Variants in ZUP1 observed in about 807,000 individuals in gnomAD.
The protein encoded by ZUP1 is zinc finger-containing ubiquitin peptidase 1.
Under a neutral mutation model 68.1 loss-of-function variants are expected in ZUP1, and 55 were observed. The observed-to-expected ratio is 0.81, with a 90% confidence interval of 0.65 to 1.01. The LOEUF (loss-of-function observed/expected upper bound fraction) is 1.01, where lower values mean the gene tolerates loss of function less well. Ranked by LOEUF, ZUP1 falls within the 50% of genes least tolerant of loss-of-function variation. ZUP1 has a pLI of 0.00. For missense variants in ZUP1, 684 were observed against 674.9 expected, an observed-to-expected ratio of 1.01 and a Z score of -0.15; for synonymous variants, 223 against 221.5, an observed-to-expected ratio of 1.01 and a Z score of -0.06.
chr6:116,646,923 A>G (rs1215473391), intron 8 of ZUP1, among the ~76,000 whole-genome samples: 1 of 152,148 alleles, frequency 6.6e-6, no homozygotes, highest in South Asian at 2.1e-4. Flanking sequence ...GGCCTCACTC[A>G]AGTGACATGT....
chr6:116,651,526 C>T lies in ZUP1; in HGVS notation c.1316+46G>A. On this transcript the variant is annotated intron_variant, in intron 7 of 9. Transcript: ENST00000368576. ...AAAAATAAAATTTTACAAAACAAAG[C>T]TCCCCGATAAGGAAATAACATTTAT... The T allele has an allele frequency of 3.4e-6, 5 of 1,475,400 alleles. 1 individual carries two copies. Among genetic ancestry groups the T allele is most frequent in the Non-Finnish European group, 4.5e-6 (5 of 1,102,532 alleles). The allele number at this position is 1,475,400 out of a possible 1,614,324, so 91.4% of individuals were successfully genotyped here. A position where few individuals can be genotyped will look rare whatever the true frequency, so the allele number is the denominator to read the frequency against.
intron 7 of ZUP1, 81 bp downstream of exon 7, chr6:116,651,491 C>T (rs1038726982): frequency 3.1e-5 from 39 of 1,240,372 alleles, no homozygotes; most frequent in Non-Finnish European, 4.0e-5. Context: ...TTTAAACTAT[C>T]TCTTTGCTAA....
intron 9 of ZUP1, among the ~76,000 whole-genome samples, chr6:116,638,525 A>T (rs1445676652): frequency 1.3e-5 from 2 of 152,244 alleles, no homozygotes; most frequent in African/African-American, 4.8e-5. Flanking sequence ...GCCCAAGTGC[A>T]TAAAATAGAG....
intron 4 of ZUP1, among the ~76,000 whole-genome samples, chr6:116,657,364 G>A (rs569466116): frequency 7.4e-4 from 112 of 152,138 alleles, no homozygotes; most frequent in Non-Finnish European, 1.3e-3. Context: ...AAGTTTTCAC[G>A]GAAACTTTTC....
chr6:116,653,695 G>A (rs1307465243), intron 5 of ZUP1, among the ~76,000 whole-genome samples: 1 of 151,996 alleles, frequency 6.6e-6, no homozygotes, highest in Non-Finnish European at 1.5e-5. Flanking sequence ...AAAGCTAAAT[G>A]TAGATTTTAA....
chr6:116,636,625 C>T (rs1212226816), intron 9 of ZUP1, among the ~76,000 whole-genome samples: 1 of 151,996 alleles, frequency 6.6e-6, no homozygotes, highest in African/African-American at 2.4e-5. Flanking sequence ...AATTATAAGA[C>T]TCTAGTGGCC....
chr6:116,643,896 C>T (rs1776202615), intron 9 of ZUP1, among the ~76,000 whole-genome samples: 1 of 152,170 alleles, frequency 6.6e-6, no homozygotes. Flanking sequence ...TCAGAGTGAA[C>T]AGGCAACCTA....
Position 116,667,219 on chromosome 6 carries a change from C to A in ZUP1, c.-15-12G>T. The A allele has an allele frequency of 6.8e-7, 1 of 1,470,388 alleles. No individual in the cohort carries two copies. Among genetic ancestry groups the A allele is most frequent in the Non-Finnish European group, 9.1e-7 (1 of 1,101,804 alleles). 91.1% of individuals were successfully genotyped at this position (1,470,388 alleles called of 1,614,324 possible). A position where few individuals can be genotyped will look rare whatever the true frequency, so the allele number is the denominator to read the frequency against. ...GTATTGACAAGTAGCTAGAAAAGAACATAACATTAGGTTTCAAAGATTTGA... is the reference window on the plus strand; with the variant it reads ...GTATTGACAAGTAGCTAGAAAAGAAAATAACATTAGGTTTCAAAGATTTGA... On this transcript the variant is annotated splice_polypyrimidine_tract_variant and intron_variant, in intron 1 of 9. Transcript: ENST00000368576.
intron 9 of ZUP1, 131 bp downstream of exon 9, chr6:116,645,583 C>CAAA (rs59393240): frequency 4.7e-4 from 202 of 430,912 alleles, no homozygotes; most frequent in African/African-American, 1.7e-3. Flanking sequence ...ACCCTGTCTC[C>CAAA]AAAAAAAAAA....
intron 2 of ZUP1, 133 bp downstream of exon 2, chr6:116,666,501 T>C: frequency 1.7e-6 from 1 of 603,974 alleles, no homozygotes; most frequent in Non-Finnish European, 2.6e-6. Context: ...TAACAGCAAA[T>C]GAAAAATGTT....
In ZUP1 at chr6:116,652,113, A is replaced by ATCCACCACGTGT. The variant is rs1325217833; in HGVS notation, c.1040_1041insACACGTGGTGGA (p.Val346_Asp347insGluHisValVal). ...TGTCGCCTAAAGATGAATGAAAGTG[A>ATCCACCACGTGT]TCCACCACTGAAGAAAGCCACACCC... On this transcript the variant is annotated inframe_insertion, in exon 6 of 10. Coordinates refer to ENST00000368576, the MANE Select transcript of ZUP1 (RefSeq NM_145062.3). The ATCCACCACGTGT allele has an allele frequency of 6.2e-7, 1 of 1,613,912 alleles. No homozygotes were observed. The highest frequency in any genetic ancestry group is 1.3e-5 in the African/African-American group (1 of 74,922).
At chr6:116,648,191 C>A (rs1776373249) in intron 7 of ZUP1, among the ~76,000 whole-genome samples, 1 of 152,204 alleles carries the variant, frequency 6.6e-6, no homozygotes, top group African/African-American at 2.4e-5. Flanking sequence ...CACCGGACCA[C>A]CGTGGTATTC....
intron 4 of ZUP1, among the ~76,000 whole-genome samples, chr6:116,657,406 A>G (rs1776705331): frequency 6.6e-6 from 1 of 152,194 alleles, no homozygotes; most frequent in Non-Finnish European, 1.5e-5. Context: ...CTAAACAACT[A>G]ACTTGCAAAA....
At chr6:116,639,091 C>A (rs1562397744) in intron 9 of ZUP1, among the ~76,000 whole-genome samples, 2 of 152,238 alleles carry the variant, frequency 1.3e-5, no homozygotes, top group African/African-American at 4.8e-5. Flanking sequence ...ATTGCTAGCA[C>A]AGCAGTCTGA....
intron 9 of ZUP1, among the ~76,000 whole-genome samples, chr6:116,637,819 T>G (rs1477100897): frequency 6.6e-6 from 1 of 152,234 alleles, no homozygotes; most frequent in Non-Finnish European, 1.5e-5. Flanking sequence ...TCCCAGCACT[T>G]TGGTAGGCCA....
intron 2 of ZUP1, among the ~76,000 whole-genome samples, chr6:116,665,569 C>CT (rs753039436): frequency 0.025 from 2,770 of 111,552 alleles, 90 homozygotes; most frequent in African/African-American, 0.059. Context: ...AAAAATTTTT[C>CT]TTTTTTTTTT....
At chr6:116,653,144 C>CT (rs969160138) in intron 5 of ZUP1, among the ~76,000 whole-genome samples, 43 of 152,168 alleles carry the variant, frequency 2.8e-4, no homozygotes, top group African/African-American at 1.0e-3. Flanking sequence ...CAAGGGACAT[C>CT]TGACTCGGCC....
chr6:116,648,234 A>AT (rs374345387), intron 7 of ZUP1, among the ~76,000 whole-genome samples: 1 of 152,160 alleles, frequency 6.6e-6, no homozygotes, highest in Admixed American at 6.5e-5. Flanking sequence ...TTGAATAAAC[A>AT]TTTTTTTAAC....
At chr6:116,668,401 C>A (rs1396495467) in intron 1 of ZUP1, among the ~76,000 whole-genome samples, 165 bp downstream of exon 1, 1 of 152,180 alleles carries the variant, frequency 6.6e-6, no homozygotes, top group African/African-American at 2.4e-5. Flanking sequence ...CATGAAGGAC[C>A]CAGTGCCAAG....
Sources: gnomAD v4.1 joint callset for allele counts (sites outside exome capture counted in the v4.1 genomes callset) on GRCh38, gnomAD v4.1.1 for gene constraint, MANE v1.5 for transcripts, NCBI Gene and HGNC (gene_info 2026-07-23, HGNC 2026-07-21) for gene names.